Variants in CMSS1 observed in about 807,000 individuals in gnomAD.
CMSS1 encodes protein CMSS1.
A neutral mutation model predicts 43.5 loss-of-function variants in CMSS1; 33 were observed. The ratio of observed to expected loss-of-function variants is 0.76; its 90% confidence interval spans 0.57 to 1.01. CMSS1 has a LOEUF of 1.01. Among genes scored for constraint, CMSS1 ranks in the 50% least tolerant of loss-of-function variants. CMSS1 has a pLI of 0.00. For synonymous variants in CMSS1, 115 were observed against 117.2 expected, an observed-to-expected ratio of 0.98 and a Z score of 0.12; for missense variants, 313 against 326.4, an observed-to-expected ratio of 0.96 and a Z score of 0.32.
chr3:100,072,269 ATG>A (rs1241834941), intron 1 of CMSS1, among the ~76,000 whole-genome samples: 1 of 152,192 alleles, frequency 6.6e-6, no homozygotes, highest in Non-Finnish European at 1.5e-5. Flanking sequence ...CAGAAATAGA[ATG>A]TGTGTAAAAT....
intron 1 of CMSS1, among the ~76,000 whole-genome samples, chr3:99,968,602 G>C (rs1274797444): frequency 6.6e-6 from 1 of 151,998 alleles, no homozygotes; most frequent in Non-Finnish European, 1.5e-5. Context: ...TGCACAAGGA[G>C]AATATATAGA....
chr3:99,910,401 G>C lies in CMSS1; in HGVS notation c.64+92358G>C, dbSNP rs1246118979. 2.2e-5 allele frequency among the ~76,000 whole-genome samples: 3 copies of C among 136,114 alleles called. 1 individual carries two copies. The East Asian group carries it at 6.1e-4, about 28-fold the overall frequency. The allele number at this position is 136,114 out of a possible 152,430, so 89.3% of individuals were successfully genotyped here. ...TGGCAAGACTAATGTAACAAAAACAGGGTTCTGTGAGCTTTTAGAGGTGAA... is the reference window on the plus strand; with the variant it reads ...TGGCAAGACTAATGTAACAAAAACACGGTTCTGTGAGCTTTTAGAGGTGAA... On this transcript the variant is annotated intron_variant, in intron 1 of 9. Transcript: ENST00000421999.
intron 1 of CMSS1, among the ~76,000 whole-genome samples, chr3:99,885,037 A>G (rs1705847878): frequency 6.6e-6 from 1 of 152,230 alleles, no homozygotes; most frequent in Non-Finnish European, 1.5e-5. Flanking sequence ...GACTTGAGGG[A>G]AAAAACTGCA....
intron 1 of CMSS1, among the ~76,000 whole-genome samples, chr3:99,988,534 AG>A (rs1334887827): frequency 1.3e-5 from 2 of 150,692 alleles, no homozygotes; most frequent in African/African-American, 4.9e-5. Flanking sequence ...AAAAAAAGAA[AG>A]AAAAGGAAAA....
intron 1 of CMSS1, among the ~76,000 whole-genome samples, chr3:100,031,850 A>G (rs1576656179): frequency 6.6e-6 from 1 of 152,202 alleles, no homozygotes; most frequent in Non-Finnish European, 1.5e-5. Context: ...TGCTGGCCAT[A>G]TGGTCTGTGT....
intron 1 of CMSS1, among the ~76,000 whole-genome samples, chr3:100,123,151 C>T (rs960292852): frequency 1.1e-4 from 17 of 152,182 alleles, no homozygotes; most frequent in African/African-American, 4.1e-4. Context: ...AAGAGAAAAT[C>T]ATGACAGAGA....
chr3:100,101,667 T>C (rs939275989), intron 1 of CMSS1, among the ~76,000 whole-genome samples: 5 of 152,126 alleles, frequency 3.3e-5, no homozygotes, highest in Non-Finnish European at 7.4e-5. Context: ...ATGTGCACAA[T>C]GTGCAGGTTA....
At chr3:100,045,299 T>C (rs183649164) in intron 1 of CMSS1, among the ~76,000 whole-genome samples, 2 of 152,350 alleles carry the variant, frequency 1.3e-5, no homozygotes, top group African/African-American at 2.4e-5. Context: ...AAGCACTCAA[T>C]ATATGGTAAT....
chr3:100,064,761 G>A lies in CMSS1; in HGVS notation c.65-82212G>A, dbSNP rs187659328. ...CTGTAAGAACATTCTAATAAGTTCC[G>A]TGTTGCTGTCTACTACATGAGAGTC... On this transcript the variant is annotated intron_variant, in intron 1 of 9. Coordinates refer to ENST00000421999, the MANE Select transcript of CMSS1 (RefSeq NM_032359.4). Among the ~76,000 whole-genome samples, 26 of 152,186 alleles carry A rather than the reference G, an allele frequency of 1.7e-4. No homozygotes were observed. The South Asian group carries it at 2.1e-3, about 12-fold the overall frequency.
chr3:99,982,087 G>A (rs1032845747), intron 1 of CMSS1, among the ~76,000 whole-genome samples: 5 of 152,050 alleles, frequency 3.3e-5, no homozygotes, highest in Admixed American at 6.5e-5. Context: ...CTTTTGTGAC[G>A]GTTGTTAGTC....
At chr3:99,994,842 A>G (rs1709628300) in intron 1 of CMSS1, among the ~76,000 whole-genome samples, 2 of 152,200 alleles carry the variant, frequency 1.3e-5, no homozygotes, top group Non-Finnish European at 2.9e-5. Context: ...AGACTTATTC[A>G]CTACCACGAG....
intron 1 of CMSS1, among the ~76,000 whole-genome samples, chr3:99,839,991 A>G (rs1943059211): frequency 6.6e-6 from 1 of 152,118 alleles, no homozygotes; most frequent in Admixed American, 6.5e-5. Flanking sequence ...TTTGCCCTTC[A>G]GGGAATATTT....
intron 1 of CMSS1, among the ~76,000 whole-genome samples, chr3:99,912,107 T>A (rs1706808642): frequency 6.6e-6 from 1 of 152,246 alleles, no homozygotes; most frequent in South Asian, 2.1e-4. Flanking sequence ...TTGTTGGTCA[T>A]TTAAATCAAT....
At chr3:100,011,874 GT>G (rs1398141846) in intron 1 of CMSS1, 1 of 152,144 alleles carries the variant, frequency 6.6e-6, no homozygotes, top group African/African-American at 2.4e-5. Flanking sequence ...TAAAATTCAA[GT>G]TTTAGTATTA....
chr3:99,997,124 A>G (rs1264150598), intron 1 of CMSS1, among the ~76,000 whole-genome samples: 1 of 152,220 alleles, frequency 6.6e-6, no homozygotes, highest in African/African-American at 2.4e-5. Flanking sequence ...ATCAGAGCAG[A>G]ACTAAATGGA....
At chr3:100,025,705 A>C (rs1413740031) in intron 1 of CMSS1, 1 of 152,144 alleles carries the variant, frequency 6.6e-6, no homozygotes, top group Non-Finnish European at 1.5e-5. Context: ...GTTACCAGGC[A>C]CTTTATTCTA....
In CMSS1 at chr3:100,172,258, G is replaced by A. The variant is rs551537057; in HGVS notation, c.580-58G>A. 13 of 1,434,070 alleles carry A rather than the reference G, an allele frequency of 9.1e-6. No homozygotes were observed. In the African/African-American group the frequency reaches 1.3e-4, roughly 14 times the overall value. 88.8% of individuals were successfully genotyped at this position (1,434,070 alleles called of 1,614,324 possible). A position where few individuals can be genotyped will look rare whatever the true frequency, so the allele number is the denominator to read the frequency against. On this transcript the variant is annotated intron_variant, in intron 7 of 9. Coordinates refer to ENST00000421999, the MANE Select transcript of CMSS1 (RefSeq NM_032359.4). Reference sequence around the variant, plus strand: ...TTGAGATAAAATGTTCTAAATTGGTGTAAGATAGCACTTTCTTAATGACTT... The same window carrying A: ...TTGAGATAAAATGTTCTAAATTGGTATAAGATAGCACTTTCTTAATGACTT...
intron 1 of CMSS1, among the ~76,000 whole-genome samples, chr3:99,913,496 A>T (rs1706857801): frequency 6.6e-6 from 1 of 152,244 alleles, no homozygotes; most frequent in Admixed American, 6.5e-5. Context: ...TTAACCAAAG[A>T]ATGTTTAATA....
At chr3:100,131,573 A>G (rs1383532261) in intron 1 of CMSS1, among the ~76,000 whole-genome samples, 1 of 151,950 alleles carries the variant, frequency 6.6e-6, no homozygotes, top group Non-Finnish European at 1.5e-5. Context: ...ATCTCTACTG[A>G]CCCCCATCCA....
Sources: gnomAD v4.1 joint callset for allele counts (sites outside exome capture counted in the v4.1 genomes callset) on GRCh38, gnomAD v4.1.1 for gene constraint, MANE v1.5 for transcripts, NCBI Gene and HGNC (gene_info 2026-07-23, HGNC 2026-07-21) for gene names.